The following DUSP8 variants were observed in gnomAD, a reference collection of about 807,000 sequenced individuals.
DUSP8 encodes dual specificity protein phosphatase 8.
In DUSP8, 15 loss-of-function variants were observed where a neutral mutation model predicts 38.7. The observed-to-expected ratio is 0.39, with a 90% CI of 0.26 to 0.60. The LOEUF is 0.60. Ranked by LOEUF, DUSP8 falls within the 20% of genes least tolerant of loss-of-function variation. DUSP8 has a pLI of 0.56. For missense variants in DUSP8, 768 were observed against 915.0 expected, an observed-to-expected ratio of 0.84 and a Z score of 2.07; for synonymous variants, 458 against 433.9, an observed-to-expected ratio of 1.06 and a Z score of -0.69.
Position 1,556,799 on chromosome 11 carries a change from C to A in DUSP8, c.1597G>T (p.Gly533Trp). The A allele has an allele frequency of 8.5e-7, 1 of 1,174,466 alleles. No individual in the cohort carries two copies. Among genetic ancestry groups the A allele is most frequent in the Non-Finnish European group, 1.1e-6 (1 of 951,336 alleles). 72.8% of individuals were successfully genotyped at this position (1,174,466 alleles called of 1,614,324 possible). Residue 533 changes from glycine to tryptophan, a missense_variant, in exon 7 of 7, where the codon GGG becomes TGG. Coordinates refer to ENST00000397374, the MANE Select transcript of DUSP8 (RefSeq NM_004420.3). This position sits in a 1 kb window ranked among gnomAD's most constrained non-coding sequence, Gnocchi z 5.2. ...PWCFSPEGAQ[G>W]AGGVLFAPFG... Reference sequence around the variant, plus strand: ...GGCGCAAACAGCACCCCGCCCGCCCCCTGTGCGCCCTCGGGGCTGAAGCAC... The same window carrying A: ...GGCGCAAACAGCACCCCGCCCGCCCACTGTGCGCCCTCGGGGCTGAAGCAC...
In DUSP8 at chr11:1,558,868, CGA is replaced by C; in HGVS notation, c.537+19_537+20del. The C allele has an allele frequency of 6.3e-7, 1 of 1,583,816 alleles. No homozygotes were observed. Among genetic ancestry groups the C allele is most frequent in the South Asian group, 1.1e-5 (1 of 88,776 alleles). On this transcript the variant is annotated intron_variant, in intron 4 of 6. Transcript: ENST00000397374. This position sits in a 1 kb window ranked among gnomAD's most constrained non-coding sequence, Gnocchi z 6.3. ...TGCCCCTTTCCCATTGACCACCCCCCGAACTCCACTGCACACACACCTTGTTT... is the reference window on the plus strand; with the variant it reads ...TGCCCCTTTCCCATTGACCACCCCCCACTCCACTGCACACACACCTTGTTT...
At chr11:1,563,662 T>C (rs1848755590) in intron 3 of DUSP8, among the ~76,000 whole-genome samples, 189 bp downstream of exon 3, 1 of 152,142 alleles carries the variant, frequency 6.6e-6, no homozygotes. Flanking sequence ...TCCTTCTGTG[T>C]TGAGGATAGT....
Position 1,555,153 on chromosome 11 carries a change from A to G in DUSP8, c.*1365T>C, listed in dbSNP as rs1848602389. Reference sequence around the variant, plus strand: ...AGGACATCTGAAGGGCAGGGGTCCCAATGGCCCGAGGGGGTATGGGGCAGG... The same window carrying G: ...AGGACATCTGAAGGGCAGGGGTCCCGATGGCCCGAGGGGGTATGGGGCAGG... On this transcript the variant is annotated 3_prime_UTR_variant, in exon 7 of 7. Coordinates refer to ENST00000397374, the MANE Select transcript of DUSP8 (RefSeq NM_004420.3). 2 of 987,746 alleles carry G rather than the reference A, an allele frequency of 2.0e-6. No homozygotes were observed. Among genetic ancestry groups the G allele is most frequent in the South Asian group, 4.7e-5 (1 of 21,370 alleles). The allele number at this position is 987,746 out of a possible 1,614,324, so 61.2% of individuals were successfully genotyped here.
At chr11:1,562,366 T>A (rs1477534757) in intron 3 of DUSP8, among the ~76,000 whole-genome samples, 1 of 151,844 alleles carries the variant, frequency 6.6e-6, no homozygotes, top group African/African-American at 2.4e-5. Flanking sequence ...TTGGGAGGGG[T>A]CCTGTTACAC....
At chr11:1,564,976 G>T (rs976642962) in intron 2 of DUSP8, among the ~76,000 whole-genome samples, 3 of 152,212 alleles carry the variant, frequency 2.0e-5, no homozygotes, top group African/African-American at 7.2e-5. Context: ...CAGGTCAACA[G>T]CCCCGCTGGT....
chr11:1,571,589 G>T (rs760481034), intron 1 of DUSP8: 1 of 126,588 alleles, frequency 7.9e-6, no homozygotes, highest in Non-Finnish European at 1.7e-5. Context: ...CGGCCCTGGT[G>T]GGTCCTGGAT....
At chr11:1,559,226 C>T in intron 3 of DUSP8, 171 bp from the exon 4 acceptor site, 1 of 588,244 alleles carries the variant, frequency 1.7e-6, no homozygotes, top group Non-Finnish European at 2.8e-6. Flanking sequence ...CCTGCTCTGC[C>T]CGCGGTGGGG....
chr11:1,565,043 G>A (rs915690625), intron 2 of DUSP8, among the ~76,000 whole-genome samples: 2 of 152,224 alleles, frequency 1.3e-5, no homozygotes, highest in South Asian at 2.1e-4. Flanking sequence ...TCCCCAGAAG[G>A]ACATTCCTGG....
chr11:1,572,432 G>T (rs1025045940), upstream of DUSP8, among the ~76,000 whole-genome samples: 338 of 150,406 alleles, frequency 2.2e-3, 3 homozygotes, highest in African/African-American at 7.6e-3. This position sits in a 1 kb window ranked among gnomAD's most constrained non-coding sequence, Gnocchi z 4.7. Context: ...GCTGCCGCGG[G>T]GGGGGGGCGG....
chr11:1,569,870 G>T (rs1178766920), intron 1 of DUSP8, among the ~76,000 whole-genome samples: 1 of 152,200 alleles, frequency 6.6e-6, no homozygotes, highest in Non-Finnish European at 1.5e-5. Flanking sequence ...TGCTTCTGGA[G>T]GCAGAAATCG....
At chr11:1,566,296 C>T (rs916596150) in intron 1 of DUSP8, among the ~76,000 whole-genome samples, 2 of 152,092 alleles carry the variant, frequency 1.3e-5, no homozygotes, top group Non-Finnish European at 2.9e-5. Flanking sequence ...CACCACAGGA[C>T]CCCCAGCAAG....
intron 3 of DUSP8, among the ~76,000 whole-genome samples, chr11:1,562,315 T>A (rs752407904): frequency 2.8e-4 from 42 of 151,730 alleles, no homozygotes; most frequent in Non-Finnish European, 3.2e-4. Flanking sequence ...CCAAGAAGAG[T>A]CTCCTGACTC....
rs1165114717 is a variant in DUSP8 at position 1,558,168 on chromosome 11, T to G, written c.641A>C (p.Asn214Thr). The change falls in exon 5 of 7, where the codon AAC becomes ACC. Residue 214 changes from asparagine to threonine, a missense_variant. Physicochemically the swap from Asn to Thr is moderately conservative, Grantham distance 65 (BLOSUM62 0). This residue lies in a region of DUSP8 where 252 missense variants were observed against 410.4 expected (regional missense o/e 0.61). Coordinates refer to ENST00000397374, the MANE Select transcript of DUSP8 (RefSeq NM_004420.3). This position sits in a 1 kb window ranked among gnomAD's most constrained non-coding sequence, Gnocchi z 6.3. ...CESRFMRVPI[N>T]DNYCEKLLPW... ...CAGCAGTTTTTCACAGTAGTTGTCG[T>G]TGATGGGGACCCGCATGAAGCGGCT... 6.2e-7 allele frequency: 1 copy of G among 1,611,886 alleles called. No homozygotes were observed. Among genetic ancestry groups the G allele is most frequent in the South Asian group, 1.1e-5 (1 of 90,982 alleles).
At chr11:1,561,826 T>A (rs913342240) in intron 3 of DUSP8, among the ~76,000 whole-genome samples, 31 of 152,018 alleles carry the variant, frequency 2.0e-4, no homozygotes, top group African/African-American at 7.5e-4. Context: ...CCCCAATATA[T>A]TCTTTCCCAC....
chr11:1,569,244 G>A (rs970582332), intron 1 of DUSP8, among the ~76,000 whole-genome samples: 1 of 152,090 alleles, frequency 6.6e-6, no homozygotes, highest in Admixed American at 6.5e-5. Flanking sequence ...AGCCCAGGAG[G>A]AAGCAGTTTC....
At chr11:1,572,304 C>T (rs1848918285), upstream of DUSP8, among the ~76,000 whole-genome samples, 1 of 148,814 alleles carries the variant, frequency 6.7e-6, no homozygotes. The surrounding 1 kb of genome is among the most constrained non-coding windows in gnomAD (Gnocchi z 4.7). Context: ...GGGCCGCCGG[C>T]GGGGATGAGG....
intron 2 of DUSP8, among the ~76,000 whole-genome samples, chr11:1,564,462 T>A (rs1306139879): frequency 6.6e-6 from 1 of 150,992 alleles, no homozygotes; most frequent in Non-Finnish European, 1.5e-5. Flanking sequence ...CCCCACCCTA[T>A]CCCCTCCCCA....
At position 1,557,981 on chromosome 11, in the gene DUSP8, G is replaced by A. The variant is rs886603815; in HGVS notation, c.698-64C>T. The A allele has an allele frequency of 1.9e-6, 3 of 1,611,186 alleles. No individual in the cohort carries two copies. The highest frequency in any genetic ancestry group is 2.7e-5 in the African/African-American group (2 of 74,886). On this transcript the variant is annotated intron_variant, in intron 5 of 6. Transcript: ENST00000397374. This position sits in a 1 kb window ranked among gnomAD's most constrained non-coding sequence, Gnocchi z 9.9. ...ACTGCACAGCTTCTCCCTGGCCCAGGTAGGGGACCCCACCCGCCCAACTGC... is the reference window on the plus strand; with the variant it reads ...ACTGCACAGCTTCTCCCTGGCCCAGATAGGGGACCCCACCCGCCCAACTGC...
chr11:1,562,644 C>G (rs1487692609), intron 3 of DUSP8, among the ~76,000 whole-genome samples: 1 of 152,176 alleles, frequency 6.6e-6, no homozygotes, highest in African/African-American at 2.4e-5. Context: ...CATGCATATG[C>G]CCATACATGC....
Sources: gnomAD v4.1 joint callset for allele counts (sites outside exome capture counted in the v4.1 genomes callset) on GRCh38, gnomAD v4.1.1 for gene constraint, gnomAD v4.1.1 regional missense constraint, Gnocchi (gnomAD v3.1) non-coding constraint, MANE v1.5 for transcripts, NCBI Gene and HGNC (gene_info 2026-07-23, HGNC 2026-07-21) for gene names.